DLGAP2: variants seen among roughly 807,000 people sequenced by gnomAD.
The protein encoded by DLGAP2 is DLG associated protein 2, also known as disks large-associated protein 2.
A neutral mutation model predicts 100.3 loss-of-function variants in DLGAP2; 26 were observed. The observed-to-expected ratio is 0.26, with a 90% CI of 0.19 to 0.36. The LOEUF is 0.36. DLGAP2 is among the 10% of genes least tolerant of loss of function. The probability of loss-of-function intolerance (pLI) is 1.00; values close to 1 mark genes in which losing one functional copy is unlikely to be tolerated. For missense variants in DLGAP2, 1,858 were observed against 1,453.2 expected, an observed-to-expected ratio of 1.28 and a Z score of -4.53; for synonymous variants, 886 against 630.1, an observed-to-expected ratio of 1.41 and a Z score of -6.08.
chr8:1,622,109 C>A (rs895058460), intron 6 of DLGAP2: 1 of 152,178 alleles, frequency 6.6e-6, no homozygotes, highest in Non-Finnish European at 1.5e-5. Context: ...GAATAATACA[C>A]ACATGTGCAC....
At chr8:781,961 G>C (rs755167513) in intron 1 of DLGAP2, among the ~76,000 whole-genome samples, 1 of 152,030 alleles carries the variant, frequency 6.6e-6, no homozygotes, top group African/African-American at 2.4e-5. Flanking sequence ...CTGATTAATG[G>C]GTAGAAATGT....
intron 3 of DLGAP2, among the ~76,000 whole-genome samples, chr8:1,350,231 T>A (rs373668903): frequency 0.053 from 5,741 of 107,352 alleles, 300 homozygotes; most frequent in East Asian, 0.23. Context: ...GTCCTGAGTG[T>A]GCGTGGAAAG....
At chr8:1,475,654 C>G (rs961310647) in intron 3 of DLGAP2, among the ~76,000 whole-genome samples, 2 of 152,280 alleles carry the variant, frequency 1.3e-5, no homozygotes, top group East Asian at 3.9e-4. Context: ...TCCCGGGACC[C>G]ACCGCAAGGC....
At chr8:1,373,414 C>A (rs1440657033) in intron 3 of DLGAP2, among the ~76,000 whole-genome samples, 1 of 152,146 alleles carries the variant, frequency 6.6e-6, no homozygotes, top group East Asian at 1.9e-4. Flanking sequence ...CCCCGGGCTT[C>A]CTGCCCGACA....
chr8:1,255,073 C>CTCTCATCCTGCCTGGGT (rs1799158447), intron 2 of DLGAP2, among the ~76,000 whole-genome samples: 1 of 106,656 alleles, frequency 9.4e-6, no homozygotes, highest in Non-Finnish European at 1.8e-5. Flanking sequence ...CCTGCCCGGC[C>CTCTCATCCTGCCTGGGT]GCTGTGTGTG....
chr8:1,245,673 C>G (rs1408376612), intron 2 of DLGAP2, among the ~76,000 whole-genome samples: 2 of 152,186 alleles, frequency 1.3e-5, no homozygotes, highest in African/African-American at 4.8e-5. Context: ...GGCTGCACAG[C>G]TCTGTGAGTA....
At chr8:1,617,806 A>T (rs1226228438) in intron 6 of DLGAP2, among the ~76,000 whole-genome samples, 1 of 152,246 alleles carries the variant, frequency 6.6e-6, no homozygotes, top group African/African-American at 2.4e-5. Context: ...ATACGAGCTA[A>T]AGCTCAATGT....
At chr8:1,694,283 G>T (rs1261824599) in intron 13 of DLGAP2, among the ~76,000 whole-genome samples, 1 of 152,296 alleles carries the variant, frequency 6.6e-6, no homozygotes, top group East Asian at 1.9e-4. Flanking sequence ...GACTTGTTAA[G>T]AGATGCTTCG....
At chr8:979,082 C>T (rs1800254999) in intron 2 of DLGAP2, among the ~76,000 whole-genome samples, 1 of 152,120 alleles carries the variant, frequency 6.6e-6, no homozygotes, top group African/African-American at 2.4e-5. Flanking sequence ...TAGCCCTTGT[C>T]ATTAAGAATT....
intron 3 of DLGAP2, among the ~76,000 whole-genome samples, chr8:1,468,652 C>T (rs142689139): frequency 2.6e-5 from 4 of 152,298 alleles, no homozygotes; most frequent in Non-Finnish European, 5.9e-5. Context: ...GTGCATTCCT[C>T]GCTTTATTTA....
chr8:1,245,137 G>C (rs766823305), intron 2 of DLGAP2, among the ~76,000 whole-genome samples: 1 of 152,190 alleles, frequency 6.6e-6, no homozygotes, highest in African/African-American at 2.4e-5. Flanking sequence ...CTTCATACAC[G>C]ACCTTTGGGA....
chr8:1,362,804 G>A (rs1459160771), intron 3 of DLGAP2, among the ~76,000 whole-genome samples: 1 of 152,228 alleles, frequency 6.6e-6, no homozygotes, highest in Non-Finnish European at 1.5e-5. Flanking sequence ...ATTAGGAGGC[G>A]CGACCGCCTG....
At position 1,666,251 on chromosome 8, in the gene DLGAP2, A is replaced by T. The variant is rs187399987; in HGVS notation, c.1811-2078A>T. On this transcript the variant is annotated intron_variant, in intron 8 of 14. Coordinates refer to ENST00000637795, the MANE Select transcript of DLGAP2 (RefSeq NM_001346810.2). ...GAAAAGTCAGGAACAAAAGAAAAAA[A>T]GACAGGATTTTGAATGTTTGTCTGG... 2.6e-3 allele frequency among the ~76,000 whole-genome samples: 394 copies of T among 152,316 alleles called. 2 individuals are homozygous for T. Among genetic ancestry groups the T allele is most frequent in the African/African-American group, 9.2e-3 (381 of 41,548 alleles).
At chr8:1,272,789 G>A (rs1799609464) in intron 3 of DLGAP2, among the ~76,000 whole-genome samples, 1 of 152,130 alleles carries the variant, frequency 6.6e-6, no homozygotes, top group East Asian at 1.9e-4. Context: ...CGGCTCTCTA[G>A]AGCTGTCAAA....
At chr8:1,036,582 C>G (rs376042346) in intron 2 of DLGAP2, among the ~76,000 whole-genome samples, 9 of 152,078 alleles carry the variant, frequency 5.9e-5, no homozygotes, top group Non-Finnish European at 8.8e-5. Flanking sequence ...TGGAATGGGC[C>G]TCATGGGGCC....
intron 2 of DLGAP2, among the ~76,000 whole-genome samples, chr8:944,902 G>C (rs1799281515): frequency 6.6e-6 from 1 of 152,258 alleles, no homozygotes; most frequent in South Asian, 2.1e-4. Context: ...AAACCCTGCA[G>C]GTGATCTGGT....
intron 3 of DLGAP2, among the ~76,000 whole-genome samples, chr8:1,342,783 A>G (rs1235307565): frequency 1.3e-5 from 2 of 152,236 alleles, no homozygotes; most frequent in Non-Finnish European, 2.9e-5. Context: ...AGTGCCGGAA[A>G]GACTCATGTG....
At chr8:1,151,421 G>T (rs1449834435) in intron 2 of DLGAP2, among the ~76,000 whole-genome samples, 3 of 152,208 alleles carry the variant, frequency 2.0e-5, no homozygotes, top group African/African-American at 7.2e-5. Flanking sequence ...TCACTGTACA[G>T]AGGAAAAGGA....
intron 2 of DLGAP2, among the ~76,000 whole-genome samples, chr8:1,012,957 T>C (rs1332775085): frequency 9.2e-5 from 14 of 151,996 alleles, no homozygotes; most frequent in Admixed American, 2.0e-4. Context: ...ACAGAGGGGG[T>C]CCCTGCCAGT....
Sources: gnomAD v4.1 joint callset for allele counts (sites outside exome capture counted in the v4.1 genomes callset) on GRCh38, gnomAD v4.1.1 for gene constraint, MANE v1.5 for transcripts, NCBI Gene and HGNC (gene_info 2026-07-23, HGNC 2026-07-21) for gene names.